CCDC80: variants seen among roughly 807,000 people sequenced by gnomAD.
The protein encoded by CCDC80 is coiled-coil domain-containing protein 80.
A neutral mutation model predicts 78.7 loss-of-function variants in CCDC80; 49 were observed. The ratio of observed to expected loss-of-function variants is 0.62; its 90% CI spans 0.50 to 0.79. The LOEUF (loss-of-function observed/expected upper bound fraction) is 0.79. CCDC80 is among the 30% of genes least tolerant of loss of function. The pLI is 0.00. For missense variants in CCDC80, 1,205 were observed against 1,198.6 expected (o/e 1.01, Z -0.08); for synonymous variants, 488 against 447.0 (o/e 1.09, Z -1.16).
At position 112,600,296 on chromosome 3, in the gene CCDC80, C is replaced by T. The variant is rs974433449; in HGVS notation, c.*5121G>A. 2.0e-5 allele frequency: 3 copies of T among 152,172 alleles called. No individual in the cohort carries two copies. The highest frequency in any genetic ancestry group is 2.0e-4 in the Admixed American group (3 of 15,286). 9.4% of individuals were successfully genotyped at this position (152,172 alleles called of 1,614,324 possible). ...ATGATCTATGACTTCTCTGCCTGCT[C>T]ATTAGAGGAAGAAAAGCTCAGATGC... is the stretch of plus-strand genomic sequence containing the variant. On this transcript the variant is annotated 3_prime_UTR_variant, in exon 8 of 8. Coordinates refer to ENST00000206423, the MANE Select transcript of CCDC80 (RefSeq NM_199511.3).
intron 3 of CCDC80, among the ~76,000 whole-genome samples, chr3:112,627,866 GA>G (rs60731413): frequency 0.065 from 7,749 of 119,900 alleles, 510 homozygotes; most frequent in African/African-American, 0.19. Flanking sequence ...CAATAAGGCA[GA>G]AAAAAAAAAA....
Position 112,639,578 on chromosome 3 carries a change from C to A in CCDC80, c.328G>T (p.Ala110Ser), listed in dbSNP as rs1368063182. 1 of 1,614,186 alleles carries A rather than the reference C, an allele frequency of 6.2e-7. No individual in the cohort carries two copies. The highest frequency in any genetic ancestry group is 1.7e-5 in the Admixed American group (1 of 60,012). Reference protein sequence around the residue: ...AAVRPEQRPAARGSPREMIRD... With the variant: ...AAVRPEQRPASRGSPREMIRD... ...ATCATCTCACGCGGAGAGCCCCTGGCTGCTGGTCTTTGCTCAGGTCTCACG... is the reference window on the plus strand; with the variant it reads ...ATCATCTCACGCGGAGAGCCCCTGGATGCTGGTCTTTGCTCAGGTCTCACG... The change falls in exon 2 of 8, where the codon GCC becomes TCC. Residue 110 changes from alanine (A) to serine (S), a missense_variant. Coordinates refer to ENST00000206423, the MANE Select transcript of CCDC80 (RefSeq NM_199511.3).
At position 112,605,711 on chromosome 3, in the gene CCDC80, A is replaced by C. The variant is rs772728566; in HGVS notation, c.2559T>G (p.Ile853Met). 2.5e-6 allele frequency: 4 copies of C among 1,614,206 alleles called. No homozygotes were observed. Among genetic ancestry groups the C allele is most frequent in the Non-Finnish European group, 1.7e-6 (2 of 1,180,032 alleles). ...EDVPAHLVKD[I>M]RNYFQVSPEY... ...CCGGGCTCACTTGAAAATAGTTACG[A>C]ATGTCTTTCACCAAATGGGCTGGTA... is the stretch of plus-strand genomic sequence containing the variant. The change falls in exon 8 of 8, where the codon ATT (isoleucine) becomes ATG (methionine). Residue 853 changes from isoleucine (I) to methionine (M), a missense_variant. Physicochemically the swap from Ile to Met is conservative, Grantham distance 10 (BLOSUM62 1). Coordinates refer to ENST00000206423, the MANE Select transcript of CCDC80 (RefSeq NM_199511.3).
intron 6 of CCDC80, among the ~76,000 whole-genome samples, chr3:112,608,692 A>G (rs1480882031): frequency 2.0e-5 from 3 of 152,244 alleles, no homozygotes; most frequent in Non-Finnish European, 4.4e-5. Context: ...ATTGGTGGCT[A>G]TAAATAATTT....
chr3:112,612,748 A>G (rs531144555), intron 5 of CCDC80, among the ~76,000 whole-genome samples: 160 of 152,278 alleles, frequency 1.1e-3, no homozygotes, highest in African/African-American at 3.7e-3. Context: ...GTGCTGTTGA[A>G]GACTAGACTG....
rs373216819 is a variant in CCDC80, at chr3:112,638,480, G to A, written c.1426C>T (p.Arg476Ter). 15 of 1,613,614 alleles carry A rather than the reference G, an allele frequency of 9.3e-6. No homozygotes were observed. The highest frequency in any genetic ancestry group is 4.5e-5 in the East Asian group (2 of 44,882). The change falls in exon 2 of 8, where the codon CGA (arginine) becomes TGA (stop). Residue 476 changes from arginine (R) to a stop codon, truncating the protein, a stop_gained. Transcript: ENST00000206423. LOFTEE classifies it high-confidence loss of function. ...NRMDRREHGH[R>*]DPNVVPGPPK... ...GGACCTGGCACCACATTTGGGTCTC[G>A]GTGGCCATGTTCCCGCCTGTCCATG...
chr3:112,617,662 T>A (rs1036264716), intron 4 of CCDC80, among the ~76,000 whole-genome samples: 1 of 152,258 alleles, frequency 6.6e-6, no homozygotes, highest in Non-Finnish European at 1.5e-5. Flanking sequence ...TCCAGAAATA[T>A]GTTGCATGTT....
At chr3:112,635,001 G>A (rs1936177621) in intron 2 of CCDC80, among the ~76,000 whole-genome samples, 1 of 152,192 alleles carries the variant, frequency 6.6e-6, no homozygotes, top group Non-Finnish European at 1.5e-5. Context: ...TACCTTGCAG[G>A]ATGTGCCCTT....
At chr3:112,633,219 C>A (rs994679262) in intron 2 of CCDC80, among the ~76,000 whole-genome samples, 2 of 152,072 alleles carry the variant, frequency 1.3e-5, no homozygotes, top group Non-Finnish European at 2.9e-5. Flanking sequence ...ATATGTGTCC[C>A]CCAAGCACAT....
At position 112,604,515 on chromosome 3, in the gene CCDC80, T is replaced by C. The variant is rs1409248350; in HGVS notation, c.*902A>G. 1 of 151,024 alleles carries C rather than the reference T, an allele frequency of 6.6e-6. No individual in the cohort carries two copies. Among genetic ancestry groups the C allele is most frequent in the Non-Finnish European group, 1.5e-5 (1 of 67,554 alleles). The allele number at this position is 151,024 out of a possible 1,614,324, so 9.4% of individuals were successfully genotyped here. A position where few individuals can be genotyped will look rare whatever the true frequency, so the allele number is the denominator to read the frequency against. ...AGCTATTATACACTTAATAGACTACTAAAGAGTGTAAACATAACTTTTATA... is the reference window on the plus strand; with the variant it reads ...AGCTATTATACACTTAATAGACTACCAAAGAGTGTAAACATAACTTTTATA... On this transcript the variant is annotated 3_prime_UTR_variant, in exon 8 of 8. Transcript: ENST00000206423.
chr3:112,638,835 T>C lies in CCDC80; in HGVS notation c.1071A>G (p.Pro357=), dbSNP rs1341666305. Residue 357 remains proline (P), a synonymous_variant, in exon 2 of 8, where the codon CCA becomes CCG. Coordinates refer to ENST00000206423, the MANE Select transcript of CCDC80 (RefSeq NM_199511.3). The part of the protein sequence containing the change: ...TPRATTLPPA[P]ATTVTRSTSR... ...ACGTGGACCGAGTCACTGTTGTGGCTGGGGCAGGAGGAAGGGTGGTGGCTC... is the reference window on the plus strand; with the variant it reads ...ACGTGGACCGAGTCACTGTTGTGGCCGGGGCAGGAGGAAGGGTGGTGGCTC... 6.2e-7 allele frequency: 1 copy of C among 1,613,606 alleles called. No homozygotes were observed. The highest frequency in any genetic ancestry group is 8.5e-7 in the Non-Finnish European group (1 of 1,179,942).
rs1936309140 is a variant in CCDC80 at position 112,639,911 on chromosome 3, A to G, written c.-6T>C. Reference sequence around the variant, plus strand: ...GGTCCCATTCTCCATGTCATTGTGTAATCCACTTTGCGATGCACGGAGGTC... The same window carrying G: ...GGTCCCATTCTCCATGTCATTGTGTGATCCACTTTGCGATGCACGGAGGTC... On this transcript the variant is annotated 5_prime_UTR_variant, in exon 2 of 8. Transcript: ENST00000206423. The G allele has an allele frequency of 7.4e-6, 12 of 1,611,144 alleles. No individual in the cohort carries two copies. Among genetic ancestry groups the G allele is most frequent in the African/African-American group, 1.3e-5 (1 of 74,838 alleles).
In CCDC80 at chr3:112,597,402, G is replaced by A. The variant is rs1246694138; in HGVS notation, c.*8015C>T. 1 of 152,186 alleles carries A rather than the reference G, an allele frequency of 6.6e-6. No individual in the cohort carries two copies. The highest frequency in any genetic ancestry group is 1.5e-5 in the Non-Finnish European group (1 of 68,026). The allele number at this position is 152,186 out of a possible 1,614,324, so 9.4% of individuals were successfully genotyped here. ...TGTTAATTATTTTTCCTACTGCAGA[G>A]CTTCTTCACGTTGGAATGGTGAATA... On this transcript the variant is annotated 3_prime_UTR_variant, in exon 8 of 8. Coordinates refer to ENST00000206423, the MANE Select transcript of CCDC80 (RefSeq NM_199511.3).
chr3:112,635,183 C>G (rs1241128370), intron 2 of CCDC80, among the ~76,000 whole-genome samples: 2 of 152,150 alleles, frequency 1.3e-5, no homozygotes, highest in African/African-American at 4.8e-5. Context: ...TTATGTGATA[C>G]GTCCACATCT....
chr3:112,621,447 G>C (rs1935866989), intron 3 of CCDC80, among the ~76,000 whole-genome samples: 1 of 152,040 alleles, frequency 6.6e-6, no homozygotes, highest in Admixed American at 6.5e-5. Flanking sequence ...CCAACCTGTA[G>C]CTGACTGCAG....
At position 112,603,432 on chromosome 3, in the gene CCDC80, T is replaced by G. The variant is rs1935410165; in HGVS notation, c.*1985A>C. On this transcript the variant is annotated 3_prime_UTR_variant, in exon 8 of 8. Transcript: ENST00000206423. ...CAGGGGTCTGAGGCAGGAGAATCAC[T>G]TGAACCCCGGAGGCAGAGGTTGCAG... 6.6e-6 allele frequency: 1 copy of G among 151,302 alleles called. No individual in the cohort carries two copies. Among genetic ancestry groups the G allele is most frequent in the Non-Finnish European group, 1.5e-5 (1 of 67,904 alleles). The allele number at this position is 151,302 out of a possible 1,614,324, so 9.4% of individuals were successfully genotyped here. A position where few individuals can be genotyped will look rare whatever the true frequency, so the allele number is the denominator to read the frequency against.
chr3:112,620,622 C>A (rs1201183683), intron 3 of CCDC80, among the ~76,000 whole-genome samples: 1 of 151,954 alleles, frequency 6.6e-6, no homozygotes, highest in Non-Finnish European at 1.5e-5. Context: ...AGGAAAAAGT[C>A]CACAGGAAAA....
chr3:112,596,920 T>C lies in CCDC80; in HGVS notation c.*8497A>G, dbSNP rs1369964260. 1 of 152,126 alleles carries C rather than the reference T, an allele frequency of 6.6e-6. No individual in the cohort carries two copies. Among genetic ancestry groups the C allele is most frequent in the Non-Finnish European group, 1.5e-5 (1 of 68,008 alleles). 9.4% of individuals were successfully genotyped at this position (152,126 alleles called of 1,614,324 possible). On this transcript the variant is annotated 3_prime_UTR_variant, in exon 8 of 8. Transcript: ENST00000206423. Reference sequence around the variant, plus strand: ...TTCATAATGTCCTTATTTGCACACATATACCACACTGCCTTCATTTTCTCC... The same window carrying C: ...TTCATAATGTCCTTATTTGCACACACATACCACACTGCCTTCATTTTCTCC...
At position 112,638,057 on chromosome 3, in the gene CCDC80, C is replaced by A; in HGVS notation, c.1849G>T (p.Gly617Trp). 6.2e-7 allele frequency: 1 copy of A among 1,608,552 alleles called. No individual in the cohort carries two copies. Among genetic ancestry groups the A allele is most frequent in the Non-Finnish European group, 8.5e-7 (1 of 1,178,564 alleles). ...AGTCTTCGTTTGCCTTCAAAGGACC[C>A]CAGCAGGTCGGCCACTGACTTCTTG... is the stretch of plus-strand genomic sequence containing the variant. ...SPKKSVADLL[G>W]SFEGKRRLLL... The change falls in exon 2 of 8, where the codon GGG becomes TGG. Residue 617 changes from glycine to tryptophan, a missense_variant. Coordinates refer to ENST00000206423, the MANE Select transcript of CCDC80 (RefSeq NM_199511.3).
Sources: allele counts gnomAD v4.1 joint callset (sites outside exome capture counted in the v4.1 genomes callset), GRCh38; gene constraint gnomAD v4.1.1; transcripts MANE v1.5; gene names NCBI Gene and HGNC (gene_info 2026-07-23, HGNC 2026-07-21).